ACACA: variants seen among roughly 807,000 people sequenced by gnomAD.
The protein encoded by ACACA is acetyl-CoA carboxylase alpha, also known as acetyl-CoA carboxylase 1.
In ACACA, 103 loss-of-function variants were observed where a neutral mutation model predicts 296.1. The observed-to-expected ratio is 0.35, with a 90% confidence interval of 0.30 to 0.41. ACACA has a LOEUF of 0.41. ACACA is among the 10% of genes least tolerant of loss of function. The pLI is 1.00. For synonymous variants in ACACA, 953 were observed against 1,038.6 expected (o/e 0.92, Z 1.58); for missense variants, 1,554 against 2,989.7 (o/e 0.52, Z 11.20).
At chr17:37,138,270 T>C (rs1300109314) in intron 45 of ACACA, among the ~76,000 whole-genome samples, 2 of 152,226 alleles carry the variant, frequency 1.3e-5, no homozygotes, top group African/African-American at 4.8e-5. Flanking sequence ...GAACATTCCC[T>C]AGAATGATGA....
At chr17:37,346,124 A>T (rs1183730636) in intron 1 of ACACA, among the ~76,000 whole-genome samples, 1 of 152,124 alleles carries the variant, frequency 6.6e-6, no homozygotes, top group Non-Finnish European at 1.5e-5. Context: ...TTTAGTTACT[A>T]TTGTACCAAT....
chr17:37,331,678 C>T (rs1173208504), intron 2 of ACACA, among the ~76,000 whole-genome samples: 2 of 151,536 alleles, frequency 1.3e-5, no homozygotes, highest in Non-Finnish European at 2.9e-5. Flanking sequence ...AGTGCTAGGA[C>T]TATGGGTGTG....
At chr17:37,122,389 A>G (rs531244997) in intron 49 of ACACA, 142 bp downstream of exon 49, 2 of 774,072 alleles carry the variant, frequency 2.6e-6, no homozygotes, top group Non-Finnish European at 4.7e-6. Flanking sequence ...AAAAGTGAGC[A>G]CATGATGTTC....
intron 39 of ACACA, among the ~76,000 whole-genome samples, chr17:37,185,979 A>G (rs1006210152): frequency 3.3e-5 from 5 of 152,216 alleles, no homozygotes; most frequent in African/African-American, 1.2e-4. Flanking sequence ...TGTTCATTAC[A>G]GCCTATACTA....
chr17:37,187,808 T>A (rs772454196), intron 39 of ACACA, among the ~76,000 whole-genome samples: 1 of 152,240 alleles, frequency 6.6e-6, no homozygotes, highest in Non-Finnish European at 1.5e-5. Context: ...ATGATGGTAG[T>A]GCTCATGCCA....
At chr17:37,132,291 TC>T (rs1291537513) in intron 45 of ACACA, among the ~76,000 whole-genome samples, 1 of 152,150 alleles carries the variant, frequency 6.6e-6, no homozygotes, top group Non-Finnish European at 1.5e-5. Context: ...ACATGCACAC[TC>T]ACACATGCAT....
chr17:37,145,684 A>G (rs192463962), intron 45 of ACACA, among the ~76,000 whole-genome samples: 2 of 152,282 alleles, frequency 1.3e-5, no homozygotes, highest in Admixed American at 1.3e-4. Flanking sequence ...CTTCCTGTCT[A>G]CGAAATATAG....
intron 50 of ACACA, among the ~76,000 whole-genome samples, chr17:37,120,516 C>G (rs2074478632): frequency 6.6e-6 from 1 of 152,106 alleles, no homozygotes; most frequent in African/African-American, 2.4e-5. Context: ...CCACCTGCCT[C>G]AGCCTCCCAA....
At chr17:37,333,035 T>G (rs1486371098) in intron 2 of ACACA, among the ~76,000 whole-genome samples, 1 of 151,914 alleles carries the variant, frequency 6.6e-6, no homozygotes, top group Non-Finnish European at 1.5e-5. Flanking sequence ...CTTTGAAAAG[T>G]GGGGTATGCA....
chr17:37,270,799 T>C lies in ACACA; in HGVS notation c.1071A>G (p.Gly357=), dbSNP rs1365521401. 6.2e-7 allele frequency: 1 copy of C among 1,613,868 alleles called. No individual in the cohort carries two copies. Among genetic ancestry groups the C allele is most frequent in the Admixed American group, 1.7e-5 (1 of 60,002 alleles). ...CATCTGCATTGTTGACTTTTCTAAT[T>C]CCCTTCCCTCCTCCTCCCTCTGAGG... ...IKASEGGGGK[G]IRKVNNADDF... The change falls in exon 10 of 56, where the codon GGA becomes GGG. Residue 357 remains glycine, a synonymous_variant. Transcript: ENST00000616317.
intron 54 of ACACA, among the ~76,000 whole-genome samples, chr17:37,090,460 A>T (rs930491481): frequency 6.6e-6 from 1 of 152,076 alleles, no homozygotes; most frequent in East Asian, 1.9e-4. Context: ...TTCTGACTCA[A>T]ATGTGCCCAG....
intron 29 of ACACA, chr17:37,221,444 ATTCT>A (rs1273017864): frequency 1.1e-5 from 5 of 452,106 alleles, no homozygotes; most frequent in East Asian, 4.2e-5. Flanking sequence ...ATGCTAGTAA[ATTCT>A]TTCTAATTTT....
intron 2 of ACACA, among the ~76,000 whole-genome samples, chr17:37,331,432 G>A (rs1380377767): frequency 1.3e-5 from 2 of 148,156 alleles, no homozygotes; most frequent in Non-Finnish European, 3.0e-5. Flanking sequence ...TTTTTGAGAC[G>A]GAGTCTCACT....
intron 29 of ACACA, among the ~76,000 whole-genome samples, chr17:37,215,938 C>T (rs932775034): frequency 3.3e-5 from 5 of 151,874 alleles, no homozygotes; most frequent in Non-Finnish European, 7.4e-5. Flanking sequence ...GAAGTCTGCA[C>T]AATAATAAAA....
chr17:37,185,402 C>CTTTTTTTTTTT lies in ACACA; in HGVS notation c.4776+2864_4776+2874dup, dbSNP rs67821579. Among the ~76,000 whole-genome samples the CTTTTTTTTTTT allele has an allele frequency of 2.9e-3, 139 of 48,440 alleles. 32 individuals are homozygous for CTTTTTTTTTTT. Among genetic ancestry groups the CTTTTTTTTTTT allele is most frequent in the African/African-American group, 0.012 (135 of 10,848 alleles). 31.8% of individuals were successfully genotyped at this position (48,440 alleles called of 152,430 possible). A position where few individuals can be genotyped will look rare whatever the true frequency, so the allele number is the denominator to read the frequency against. ...TGCATGACACCATGCCTGGCTATTT[C>CTTTTTTTTTTT]TTTTTTTTTTTTTTTTTTTTTTTTT... On this transcript the variant is annotated intron_variant, in intron 39 of 55. Transcript: ENST00000616317.
At chr17:37,316,334 C>CACACA (rs1458823039) in intron 3 of ACACA, among the ~76,000 whole-genome samples, 2 of 145,604 alleles carry the variant, frequency 1.4e-5, no homozygotes, top group Non-Finnish European at 3.0e-5. Context: ...CACACACACA[C>CACACA]CCCTAACTTT....
At chr17:37,122,914 A>C (rs572583766) in intron 48 of ACACA, 3 of 508,458 alleles carry the variant, frequency 5.9e-6, no homozygotes, top group Admixed American at 3.2e-5. Flanking sequence ...ATTTAGACTC[A>C]ACAGCCTAGC....
In ACACA at chr17:37,346,518, G is replaced by A. The variant is rs180819877; in HGVS notation, c.39-6668C>T. Among the ~76,000 whole-genome samples the A allele has an allele frequency of 8.0e-4, 121 of 151,556 alleles. 1 individual carries two copies. In the East Asian group the frequency reaches 0.019, roughly 23 times the overall value. ...AGATCGAGACCATCCTGGCTAACACGGTGAAACCCAGTCTCTACTAAAAAT... is the reference window on the plus strand; with the variant it reads ...AGATCGAGACCATCCTGGCTAACACAGTGAAACCCAGTCTCTACTAAAAAT... On this transcript the variant is annotated intron_variant, in intron 1 of 55. Coordinates refer to ENST00000616317, the MANE Select transcript of ACACA (RefSeq NM_198834.3).
At chr17:37,353,280 A>G (rs969843123) in intron 1 of ACACA, among the ~76,000 whole-genome samples, 3 of 152,134 alleles carry the variant, frequency 2.0e-5, no homozygotes, top group African/African-American at 7.2e-5. Context: ...TCAACCTACT[A>G]TTCCAAATCT....
Sources: gnomAD v4.1 joint callset for allele counts (sites outside exome capture counted in the v4.1 genomes callset) on GRCh38, gnomAD v4.1.1 for gene constraint, MANE v1.5 for transcripts, NCBI Gene and HGNC (gene_info 2026-07-23, HGNC 2026-07-21) for gene names.